The following GBF1 variants were observed in gnomAD, a reference collection of about 807,000 sequenced individuals.
GBF1 encodes Golgi-specific brefeldin A-resistance guanine nucleotide exchange factor 1.
GBF1 carries 114 observed loss-of-function variants against 210.5 expected under a neutral mutation model. The observed-to-expected ratio is 0.54, with a 90% CI of 0.47 to 0.63. The LOEUF is 0.63. Ranked by LOEUF, GBF1 falls within the 30% of genes least tolerant of loss-of-function variation. The pLI, the probability that GBF1 is intolerant of heterozygous loss-of-function variation, is 0.00. For synonymous variants in GBF1, 850 were observed against 889.2 expected, an observed-to-expected ratio of 0.96 and a Z score of 0.78; for missense variants, 1,851 against 2,357.7, an observed-to-expected ratio of 0.79 and a Z score of 4.45.
intron 3 of GBF1, among the ~76,000 whole-genome samples, chr10:102,263,535 G>A (rs2133174882): frequency 6.6e-6 from 1 of 152,260 alleles, no homozygotes; most frequent in South Asian, 2.1e-4. Flanking sequence ...GACATTGTCA[G>A]TAAACCAAAA....
intron 3 of GBF1, among the ~76,000 whole-genome samples, chr10:102,326,694 A>G (rs554884003): frequency 6.6e-5 from 10 of 152,190 alleles, no homozygotes; most frequent in Admixed American, 5.9e-4. Flanking sequence ...CCAACCCCAC[A>G]CATATATACA....
chr10:102,231,221 T>A, the GBF1 span: 1 of 1,003,424 alleles, frequency 1.0e-6, no homozygotes, highest in Non-Finnish European at 1.4e-6. Context: ...ATGAGGTGGC[T>A]AGAGACGGGG....
intron 8 of GBF1, among the ~76,000 whole-genome samples, chr10:102,355,451 G>A (rs555180436): frequency 4.6e-5 from 7 of 152,270 alleles, no homozygotes; most frequent in South Asian, 2.1e-4. Context: ...ATAAGGTGGC[G>A]TAGAATTCCA....
chr10:102,374,451 G>A (rs893591699), intron 29 of GBF1, among the ~76,000 whole-genome samples: 1 of 152,142 alleles, frequency 6.6e-6, no homozygotes, highest in Non-Finnish European at 1.5e-5. Flanking sequence ...TGGGCATGGT[G>A]GTGCATGCCT....
chr10:102,254,465 T>C (rs776996859), intron 1 of GBF1, among the ~76,000 whole-genome samples: 9 of 152,270 alleles, frequency 5.9e-5, no homozygotes, highest in Non-Finnish European at 7.3e-5. Flanking sequence ...ATATTTTTGG[T>C]ATTCCATTAA....
intron 1 of GBF1, 45 bp from the exon 2 acceptor site, chr10:102,258,884 G>C (rs890930816): frequency 2.0e-6 from 2 of 1,021,240 alleles, no homozygotes; most frequent in Non-Finnish European, 3.1e-6. Flanking sequence ...GTATGCTTTG[G>C]GTAACCAAAT....
intron 7 of GBF1, 25 bp downstream of exon 7, chr10:102,352,543 G>T (rs981150481): frequency 3.2e-6 from 5 of 1,559,310 alleles, no homozygotes; most frequent in Non-Finnish European, 4.4e-6. Flanking sequence ...GTTTGCTTCA[G>T]CCCGGCTGCC....
chr10:102,231,922 A>G, the GBF1 span: 1 of 1,567,708 alleles, frequency 6.4e-7, no homozygotes, highest in African/African-American at 1.3e-5. Context: ...ACTGGGGATG[A>G]AGCTGTTATG....
At chr10:102,350,359 A>AG in intron 4 of GBF1, among the ~76,000 whole-genome samples, 1 of 152,086 alleles carries the variant, frequency 6.6e-6, no homozygotes, top group East Asian at 1.9e-4. Context: ...CCAAAAAAAA[A>AG]AAAAAAGTCT....
intron 3 of GBF1, among the ~76,000 whole-genome samples, chr10:102,278,352 T>G (rs1415512329): frequency 1.3e-5 from 2 of 152,104 alleles, no homozygotes; most frequent in Non-Finnish European, 2.9e-5. Context: ...GGATCGTAGC[T>G]TACTGCAGCC....
At position 102,303,730 on chromosome 10, in the gene GBF1, C is replaced by A. The variant is rs75890990; in HGVS notation, c.164-40321C>A. ...TCAAAAATTTAATCCGACTTTCTAC[C>A]AAGTACTCTAAATTATCTCAAATAT... On this transcript the variant is annotated intron_variant, in intron 3 of 39. Coordinates refer to ENST00000369983, the MANE Select transcript of GBF1 (RefSeq NM_001377137.1). 1.7e-4 allele frequency among the ~76,000 whole-genome samples: 26 copies of A among 152,306 alleles called. 1 individual carries two copies. The East Asian group carries it at 4.8e-3, about 28-fold the overall frequency.
At chr10:102,292,014 T>G (rs1163203324) in intron 3 of GBF1, among the ~76,000 whole-genome samples, 3 of 151,110 alleles carry the variant, frequency 2.0e-5, no homozygotes, top group African/African-American at 7.3e-5. Flanking sequence ...CCCAGCCTCC[T>G]GAGTAGCTGG....
At chr10:102,351,783 T>TACC (rs144741702) in intron 5 of GBF1, 60 bp from the exon 6 acceptor site, 136,477 of 965,922 alleles carry the variant, frequency 0.14, 10,663 homozygotes, top group Middle Eastern at 0.22. Context: ...CCCTCTCTCT[T>TACC]ACCCTTGAGT....
intron 3 of GBF1, among the ~76,000 whole-genome samples, chr10:102,274,095 T>C (rs1366444276): frequency 2.6e-5 from 4 of 152,216 alleles, no homozygotes; most frequent in Non-Finnish European, 5.9e-5. Context: ...GGAACTAGGT[T>C]CTAGGGACCT....
chr10:102,237,240 CAG>C, the GBF1 span, among the ~76,000 whole-genome samples: 2 of 152,042 alleles, frequency 1.3e-5, no homozygotes, highest in Admixed American at 1.3e-4. Context: ...TGTGGGAGAT[CAG>C]AGAGAGGGAA....
intron 3 of GBF1, among the ~76,000 whole-genome samples, chr10:102,270,923 C>G (rs1049670014): frequency 2.0e-5 from 3 of 152,062 alleles, no homozygotes; most frequent in Non-Finnish European, 4.4e-5. Context: ...TGCAGTGGTA[C>G]GATCATAGCT....
At chr10:102,347,867 A>G (rs1366129516) in intron 4 of GBF1, among the ~76,000 whole-genome samples, 1 of 152,140 alleles carries the variant, frequency 6.6e-6, no homozygotes, top group African/African-American at 2.4e-5. Context: ...CATGGATTTC[A>G]TGGGTTGCTA....
chr10:102,259,047 T>A lies in GBF1; in HGVS notation c.96+13T>A. On this transcript the variant is annotated intron_variant, in intron 2 of 39. Transcript: ENST00000369983. The stretch of plus-strand genomic sequence containing the variant: ...CCATACACCACTGGTAAGTGGGAAA[T>A]GGATAAATAGCCTGGTCACTAAGTT... The A allele has an allele frequency of 7.3e-7, 1 of 1,361,218 alleles. No homozygotes were observed. The highest frequency in any genetic ancestry group is 1.1e-6 in the Non-Finnish European group (1 of 949,224). 84.3% of individuals were successfully genotyped at this position (1,361,218 alleles called of 1,614,324 possible). A position where few individuals can be genotyped will look rare whatever the true frequency, so the allele number is the denominator to read the frequency against.
intron 3 of GBF1, among the ~76,000 whole-genome samples, chr10:102,271,204 A>AT (rs968364742): frequency 6.6e-6 from 1 of 151,834 alleles, no homozygotes; most frequent in South Asian, 2.1e-4. Context: ...CGCCCGGCTA[A>AT]TTTTTTGTAT....
Sources: gnomAD v4.1 joint callset for allele counts (sites outside exome capture counted in the v4.1 genomes callset) on GRCh38, gnomAD v4.1.1 for gene constraint, MANE v1.5 for transcripts, NCBI Gene and HGNC (gene_info 2026-07-23, HGNC 2026-07-21) for gene names.